PCDHB13: variants seen among roughly 807,000 people sequenced by gnomAD.
PCDHB13 encodes protocadherin beta 13, also known as protocadherin beta-13.
For missense variants in PCDHB13, 1,065 were observed against 1,016.7 expected (o/e 1.05, Z -0.65); for synonymous variants, 515 against 450.7 (o/e 1.14, Z -1.81).
In PCDHB13 at chr5:141,216,784, G is replaced by A; in HGVS notation, c.*264G>A. 1.9e-6 allele frequency: 1 copy of A among 513,958 alleles called. No homozygotes were observed. 31.8% of individuals were successfully genotyped at this position (513,958 alleles called of 1,614,324 possible). A position where few individuals can be genotyped will look rare whatever the true frequency, so the allele number is the denominator to read the frequency against. On this transcript the variant is annotated 3_prime_UTR_variant, in exon 1 of 1. Coordinates refer to ENST00000341948, the MANE Select transcript of PCDHB13 (RefSeq NM_018933.4). Reference sequence around the variant, plus strand: ...CAATACCAAATCACATTTTTTTCATGCCCCTATCTTTAGCTGAACTTCACC... The same window carrying A: ...CAATACCAAATCACATTTTTTTCATACCCCTATCTTTAGCTGAACTTCACC...
Position 141,215,645 on chromosome 5 carries a change from G to A in PCDHB13, c.1522G>A (p.Ala508Thr), listed in dbSNP as rs149997347. 1.7e-4 allele frequency: 270 copies of A among 1,613,398 alleles called. 1 individual carries two copies. The African/African-American group carries it at 3.3e-3, about 20-fold the overall frequency. The change falls in exon 1 of 1, where the codon GCG becomes ACG. Residue 508 changes from alanine to threonine, a missense_variant. Transcript: ENST00000341948. ...LPLTSLVSIN[A>T]DNGHLFALRS... is the part of the protein sequence containing the mutation. ...CCTCACATCCCTGGTCTCCATCAAC[G>A]CGGACAACGGCCACCTGTTCGCCCT... is the stretch of plus-strand genomic sequence containing the variant.
In PCDHB13 at chr5:141,214,823, C is replaced by T. The variant is rs3822335; in HGVS notation, c.700C>T (p.Leu234=). ...CACTGCTCAGGTCTACATCGAAGTC[C>T]TGGATGTCAACGATAATGCCCCTGA... is the stretch of plus-strand genomic sequence containing the variant. The part of the protein sequence containing the change: ...SGTAQVYIEV[L]DVNDNAPEFE... The change falls in exon 1 of 1, where the codon CTG becomes TTG. Residue 234 remains leucine, a synonymous_variant. Coordinates refer to ENST00000341948, the MANE Select transcript of PCDHB13 (RefSeq NM_018933.4). 1 of 1,614,146 alleles carries T rather than the reference C, an allele frequency of 6.2e-7. No individual in the cohort carries two copies. The highest frequency in any genetic ancestry group is 1.7e-5 in the Admixed American group (1 of 60,028).
chr5:141,215,329 C>T lies in PCDHB13; in HGVS notation c.1206C>T (p.Thr402=). 1 of 1,614,112 alleles carries T rather than the reference C, an allele frequency of 6.2e-7. No homozygotes were observed. Among genetic ancestry groups the T allele is most frequent in the South Asian group, 1.1e-5 (1 of 91,084 alleles). ...TGAAATCCGCGGAAAACTTTTACAC[C>T]CTACTAACGGAGAGACCACTAGACA... ...FLLKSAENFY[T]LLTERPLDRE... The change falls in exon 1 of 1, where the codon ACC becomes ACT. Residue 402 remains threonine (T), a synonymous_variant. Transcript: ENST00000341948.
Position 141,216,593 on chromosome 5 carries a change from T to A in PCDHB13, c.*73T>A, listed in dbSNP as rs912484811. ...CCATGCCAATGTTTATTTCCCCCAA[T>A]TTGTGTGTATGTAATATTGTACGGA... On this transcript the variant is annotated 3_prime_UTR_variant, in exon 1 of 1. Coordinates refer to ENST00000341948, the MANE Select transcript of PCDHB13 (RefSeq NM_018933.4). 8.3e-7 allele frequency: 1 copy of A among 1,211,956 alleles called. No homozygotes were observed. The highest frequency in any genetic ancestry group is 1.2e-6 in the Non-Finnish European group (1 of 812,446). The allele number at this position is 1,211,956 out of a possible 1,614,324, so 75.1% of individuals were successfully genotyped here.
chr5:141,215,099 G>A lies in PCDHB13; in HGVS notation c.976G>A (p.Gly326Arg). The part of the protein sequence containing the change: ...YEVNIEARDA[G>R]TFSGKCTVLI... Reference sequence around the variant, plus strand: ...AGTCAATATTGAGGCAAGAGATGCTGGAACCTTTTCTGGAAAATGCACCGT... The same window carrying A: ...AGTCAATATTGAGGCAAGAGATGCTAGAACCTTTTCTGGAAAATGCACCGT... The change falls in exon 1 of 1, where the codon GGA becomes AGA. Residue 326 changes from glycine to arginine, a missense_variant. Transcript: ENST00000341948. 1 of 1,614,146 alleles carries A rather than the reference G, an allele frequency of 6.2e-7. No homozygotes were observed. Among genetic ancestry groups the A allele is most frequent in the Non-Finnish European group, 8.5e-7 (1 of 1,180,044 alleles).
chr5:141,214,327 T>C lies in PCDHB13; in HGVS notation c.204T>C (p.Val68=). The C allele has an allele frequency of 1.4e-6, 2 of 1,433,192 alleles. No individual in the cohort carries two copies. The highest frequency in any genetic ancestry group is 1.9e-6 in the Non-Finnish European group (2 of 1,033,500). 88.8% of individuals were successfully genotyped at this position (1,433,192 alleles called of 1,614,324 possible). ...TCTCCAGGCGGGGGGTTAGGGTTGTTTCCAGAGGGAACAAACTACATTTGC... is the reference window on the plus strand; with the variant it reads ...TCTCCAGGCGGGGGGTTAGGGTTGTCTCCAGAGGGAACAAACTACATTTGC... The part of the protein sequence containing the change: ...REFSRRGVRV[V]SRGNKLHLQL... Residue 68 remains valine (V), a synonymous_variant, in exon 1 of 1, where the codon GTT becomes GTC. Coordinates refer to ENST00000341948, the MANE Select transcript of PCDHB13 (RefSeq NM_018933.4).
In PCDHB13 at chr5:141,216,253, G is replaced by A. The variant is rs782396367; in HGVS notation, c.2130G>A (p.Ala710=). 4.3e-6 allele frequency: 7 copies of A among 1,613,576 alleles called. No individual in the cohort carries two copies. The Admixed American group carries it at 6.7e-5, about 15-fold the overall frequency. The change falls in exon 1 of 1, where the codon GCG becomes GCA. Residue 710 remains alanine (A), a synonymous_variant. Coordinates refer to ENST00000341948, the MANE Select transcript of PCDHB13 (RefSeq NM_018933.4). ...TCTTTTCGGTGCTCCTGTTCGTGGCGGTGCGGCTGTGTAGGAGGAGCAGGG... is the reference window on the plus strand; with the variant it reads ...TCTTTTCGGTGCTCCTGTTCGTGGCAGTGCGGCTGTGTAGGAGGAGCAGGG... ...LFLFSVLLFV[A]VRLCRRSRAA...
rs1217008968 is a variant in PCDHB13, at chr5:141,214,810, C to G, written c.687C>G (p.Val229=). Residue 229 remains valine, a synonymous_variant, in exon 1 of 1, where the codon GTC becomes GTG. Coordinates refer to ENST00000341948, the MANE Select transcript of PCDHB13 (RefSeq NM_018933.4). ...CGCCCAGATCTGGCACTGCTCAGGTCTACATCGAAGTCCTGGATGTCAACG... is the reference window on the plus strand; with the variant it reads ...CGCCCAGATCTGGCACTGCTCAGGTGTACATCGAAGTCCTGGATGTCAACG... ...GSPPRSGTAQ[V]YIEVLDVNDN... The G allele has an allele frequency of 6.2e-7, 1 of 1,614,094 alleles. No individual in the cohort carries two copies. The highest frequency in any genetic ancestry group is 8.5e-7 in the Non-Finnish European group (1 of 1,180,064).
In PCDHB13 at chr5:141,215,021, G is replaced by A; in HGVS notation, c.898G>A (p.Gly300Arg). Residue 300 changes from glycine (G) to arginine (R), a missense_variant, in exon 1 of 1, where the codon GGA becomes AGA. Physicochemically the swap from Gly to Arg is moderately radical, Grantham distance 125. Transcript: ENST00000341948. Reference protein sequence around the residue: ...GKTFKINPLTGEIELKKQLDF... With the variant: ...GKTFKINPLTREIELKKQLDF... ...AACCTTTAAGATCAATCCCTTGACA[G>A]GAGAAATTGAACTAAAAAAACAACT... The A allele has an allele frequency of 1.2e-6, 2 of 1,614,162 alleles. No homozygotes were observed. The highest frequency in any genetic ancestry group is 1.7e-6 in the Non-Finnish European group (2 of 1,180,030).
Position 141,215,743 on chromosome 5 carries a change from G to T in PCDHB13, c.1620G>T (p.Ala540=), listed in dbSNP as rs563472510. The T allele has an allele frequency of 9.9e-5, 159 of 1,612,144 alleles. 1 individual carries two copies. The highest frequency in any genetic ancestry group is 5.4e-4 in the South Asian group (49 of 90,988). ...GCGCTTCAGACCACGGCTCCCCGGC[G>T]CTGAGCAGCGAGGCGCTGGTGCGCG... is the stretch of plus-strand genomic sequence containing the variant. ...RVGASDHGSP[A]LSSEALVRVV... Residue 540 remains alanine (A), a synonymous_variant, in exon 1 of 1, where the codon GCG becomes GCT. Transcript: ENST00000341948.
rs2910333 is a variant in PCDHB13, at chr5:141,217,132, A to G, written c.*612A>G. The G allele has an allele frequency of 0.42, 71,008 of 167,206 alleles. 17,225 individuals are homozygous for G. Among genetic ancestry groups the G allele is most frequent in the African/African-American group, 0.69 (28,643 of 41,458 alleles). 10.4% of individuals were successfully genotyped at this position (167,206 alleles called of 1,614,324 possible). On this transcript the variant is annotated 3_prime_UTR_variant, in exon 1 of 1. Coordinates refer to ENST00000341948, the MANE Select transcript of PCDHB13 (RefSeq NM_018933.4). ...ATTGTGCAGGCACATTAATATTGTG[A>G]CCAATCACAGAATCTGGGAATATGA...
chr5:141,214,137 G>A lies in PCDHB13; in HGVS notation c.14G>A (p.Gly5Glu). The change falls in exon 1 of 1, where the codon GGG becomes GAG. Residue 5 changes from glycine (G) to glutamate (E), a missense_variant. By Grantham distance (98) the Gly-to-Glu change is moderately conservative (BLOSUM62 -2). Transcript: ENST00000341948. MEAS[G>E]KLICRQRQVL... ...CCAGCAAGAACAATGGAGGCCAGCG[G>A]GAAGCTCATTTGCAGACAAAGGCAA... The A allele has an allele frequency of 6.2e-7, 1 of 1,614,092 alleles. No homozygotes were observed. The highest frequency in any genetic ancestry group is 8.5e-7 in the Non-Finnish European group (1 of 1,180,004).
Position 141,216,257 on chromosome 5 carries a change from C to A in PCDHB13, c.2134C>A (p.Arg712=), listed in dbSNP as rs782343698. 4.2e-5 allele frequency: 68 copies of A among 1,613,454 alleles called. No homozygotes were observed. Among genetic ancestry groups the A allele is most frequent in the Non-Finnish European group, 5.0e-5 (59 of 1,179,968 alleles). Residue 712 remains arginine (R), a synonymous_variant, in exon 1 of 1, where the codon CGG becomes AGG. Transcript: ENST00000341948. The part of the protein sequence containing the change: ...LFSVLLFVAV[R]LCRRSRAASV... ...TTCGGTGCTCCTGTTCGTGGCGGTG[C>A]GGCTGTGTAGGAGGAGCAGGGCGGC...
Position 141,216,142 on chromosome 5 carries a change from C to T in PCDHB13, c.2019C>T (p.Leu673=), listed in dbSNP as rs782143901. The T allele has an allele frequency of 2.7e-5, 44 of 1,611,066 alleles. No homozygotes were observed. The South Asian group carries it at 4.5e-4, about 16-fold the overall frequency. ...VDGFSQPYLP[L]PEAAPTQAQA... is the part of the protein sequence containing the mutation. ...GCTTCTCCCAGCCCTACCTGCCTCTCCCGGAGGCGGCCCCGACCCAGGCCC... is the reference window on the plus strand; with the variant it reads ...GCTTCTCCCAGCCCTACCTGCCTCTTCCGGAGGCGGCCCCGACCCAGGCCC... Residue 673 remains leucine, a synonymous_variant, in exon 1 of 1, where the codon CTC becomes CTT. Transcript: ENST00000341948.
chr5:141,218,739 G>T lies in PCDHB13; in HGVS notation c.*2219G>T, dbSNP rs1483496472. ...CCTCCTGGGTTCCCGCCATTCTCCTGCCTCAGTCTCCCGAGTAGCACCCCC... is the reference window on the plus strand; with the variant it reads ...CCTCCTGGGTTCCCGCCATTCTCCTTCCTCAGTCTCCCGAGTAGCACCCCC... On this transcript the variant is annotated 3_prime_UTR_variant, in exon 1 of 1. Coordinates refer to ENST00000341948, the MANE Select transcript of PCDHB13 (RefSeq NM_018933.4). 2 of 161,406 alleles carry T rather than the reference G, an allele frequency of 1.2e-5. No homozygotes were observed. The highest frequency in any genetic ancestry group is 2.9e-5 in the Non-Finnish European group (2 of 68,264). The allele number at this position is 161,406 out of a possible 1,614,324, so 10.0% of individuals were successfully genotyped here. A position where few individuals can be genotyped will look rare whatever the true frequency, so the allele number is the denominator to read the frequency against.
rs781987306 is a variant in PCDHB13 at position 141,216,553 on chromosome 5, T to C, written c.*33T>C. ...TGACTTTTACATTCCATAGGTATTTTATTTTGTGGCATTTCCATGCCAATG... is the reference window on the plus strand; with the variant it reads ...TGACTTTTACATTCCATAGGTATTTCATTTTGTGGCATTTCCATGCCAATG... On this transcript the variant is annotated 3_prime_UTR_variant, in exon 1 of 1. Transcript: ENST00000341948. The C allele has an allele frequency of 2.0e-6, 3 of 1,538,320 alleles. No homozygotes were observed. Among genetic ancestry groups the C allele is most frequent in the South Asian group, 2.2e-5 (2 of 89,478 alleles).
At position 141,216,375 on chromosome 5, in the gene PCDHB13, A is replaced by G. The variant is rs562208704; in HGVS notation, c.2252A>G (p.Tyr751Cys). 4 of 1,614,164 alleles carry G rather than the reference A, an allele frequency of 2.5e-6. No individual in the cohort carries two copies. Among genetic ancestry groups the G allele is most frequent in the African/African-American group, 2.7e-5 (2 of 75,032 alleles). ...GTRTLSQSYQ[Y>C]EVCLAGGSGT... Reference sequence around the variant, plus strand: ...AGGACCCTATCCCAGAGCTACCAGTATGAGGTGTGTCTGGCAGGAGGCTCA... The same window carrying G: ...AGGACCCTATCCCAGAGCTACCAGTGTGAGGTGTGTCTGGCAGGAGGCTCA... Residue 751 changes from tyrosine (Y) to cysteine (C), a missense_variant, in exon 1 of 1, where the codon TAT (tyrosine) becomes TGT (cysteine). Coordinates refer to ENST00000341948, the MANE Select transcript of PCDHB13 (RefSeq NM_018933.4).
At position 141,216,558 on chromosome 5, in the gene PCDHB13, T is replaced by G; in HGVS notation, c.*38T>G. 1.3e-6 allele frequency: 2 copies of G among 1,521,632 alleles called. No homozygotes were observed. The highest frequency in any genetic ancestry group is 1.7e-5 in the Admixed American group (1 of 59,884). The allele number at this position is 1,521,632 out of a possible 1,614,324, so 94.3% of individuals were successfully genotyped here. On this transcript the variant is annotated 3_prime_UTR_variant, in exon 1 of 1. Transcript: ENST00000341948. Reference sequence around the variant, plus strand: ...TTTACATTCCATAGGTATTTTATTTTGTGGCATTTCCATGCCAATGTTTAT... The same window carrying G: ...TTTACATTCCATAGGTATTTTATTTGGTGGCATTTCCATGCCAATGTTTAT...
rs782406502 is a variant in PCDHB13 at position 141,216,577 on chromosome 5, T to C, written c.*57T>C. ...TTATTTTGTGGCATTTCCATGCCAA[T>C]GTTTATTTCCCCCAATTTGTGTGTA... On this transcript the variant is annotated 3_prime_UTR_variant, in exon 1 of 1. Coordinates refer to ENST00000341948, the MANE Select transcript of PCDHB13 (RefSeq NM_018933.4). The C allele has an allele frequency of 2.2e-6, 3 of 1,359,682 alleles. No individual in the cohort carries two copies. The East Asian group carries it at 6.9e-5, about 31-fold the overall frequency. 84.2% of individuals were successfully genotyped at this position (1,359,682 alleles called of 1,614,324 possible). A position where few individuals can be genotyped will look rare whatever the true frequency, so the allele number is the denominator to read the frequency against.
Sources: allele counts gnomAD v4.1 joint callset, GRCh38; gene constraint gnomAD v4.1.1; transcripts MANE v1.5; gene names NCBI Gene and HGNC (gene_info 2026-07-23, HGNC 2026-07-21).